GLIS3: variants seen among roughly 807,000 people sequenced by gnomAD.
The protein encoded by GLIS3 is GLIS family zinc finger 3.
In GLIS3, 53 loss-of-function variants were observed where a neutral mutation model predicts 78.6. The ratio of observed to expected loss-of-function variants is 0.67; its 90% CI spans 0.54 to 0.85. GLIS3 has a LOEUF of 0.85. GLIS3 is among the 40% of genes least tolerant of loss of function. The pLI is 0.00. For missense variants in GLIS3, 1,703 were observed against 1,231.1 expected, an observed-to-expected ratio of 1.38 and a Z score of -5.74; for synonymous variants, 684 against 509.9, an observed-to-expected ratio of 1.34 and a Z score of -4.60.
chr9:4,033,055 G>A (rs907121312), intron 4 of GLIS3, among the ~76,000 whole-genome samples: 4 of 151,922 alleles, frequency 2.6e-5, no homozygotes, highest in Admixed American at 6.6e-5. Context: ...GGGTTTCACC[G>A]GGTTAGCCAG....
the GLIS3 span, among the ~76,000 whole-genome samples, chr9:4,453,257 G>A: frequency 6.8e-6 from 1 of 146,040 alleles, no homozygotes; most frequent in African/African-American, 2.5e-5. Context: ...CATGGGCAAG[G>A]ACTTCATGTC....
chr9:4,017,865 G>C (rs552895299), intron 4 of GLIS3, among the ~76,000 whole-genome samples: 3 of 152,352 alleles, frequency 2.0e-5, no homozygotes, highest in African/African-American at 7.2e-5. Flanking sequence ...AGGTCAGTCA[G>C]TTCAGTATGT....
At chr9:4,340,758 C>T (rs570837498) in intron 2 of GLIS3, among the ~76,000 whole-genome samples, 1 of 152,170 alleles carries the variant, frequency 6.6e-6, no homozygotes, top group Non-Finnish European at 1.5e-5. Context: ...TTCAGTGGCA[C>T]TATCTCAACT....
intron 4 of GLIS3, among the ~76,000 whole-genome samples, chr9:4,056,712 C>T (rs1826182372): frequency 6.6e-6 from 1 of 152,116 alleles, no homozygotes; most frequent in Admixed American, 6.6e-5. Context: ...CAGAGTGACA[C>T]ACACACACCC....
chr9:4,395,087 G>A, the GLIS3 span, among the ~76,000 whole-genome samples: 2 of 152,146 alleles, frequency 1.3e-5, no homozygotes, highest in Non-Finnish European at 2.9e-5. Context: ...AAGTAAAGGG[G>A]CATTTATTGC....
At chr9:4,281,429 C>G (rs1352487340) in intron 2 of GLIS3, among the ~76,000 whole-genome samples, 2 of 152,176 alleles carry the variant, frequency 1.3e-5, no homozygotes, top group African/African-American at 4.8e-5. Context: ...CCATCAAACA[C>G]TAACTCCTCA....
chr9:3,868,754 G>C lies in GLIS3; in HGVS notation c.2297+10673C>G, dbSNP rs74734342. On this transcript the variant is annotated intron_variant, in intron 8 of 10. Transcript: ENST00000381971. Reference sequence around the variant, plus strand: ...CCAAACCCCTAAATGTGGCTGATAAGGTTACTCCCTAATTTCTACACTAAG... The same window carrying C: ...CCAAACCCCTAAATGTGGCTGATAACGTTACTCCCTAATTTCTACACTAAG... Among the ~76,000 whole-genome samples, 780 of 151,576 alleles carry C rather than the reference G, an allele frequency of 5.1e-3. 9 individuals carry two copies. The highest frequency in any genetic ancestry group is 0.018 in the African/African-American group (757 of 41,298).
chr9:4,185,566 A>G (rs1049422289), intron 2 of GLIS3, among the ~76,000 whole-genome samples: 1 of 152,210 alleles, frequency 6.6e-6, no homozygotes, highest in Admixed American at 6.5e-5. Flanking sequence ...GTATTCATCA[A>G]TGTCCCATAA....
intron 4 of GLIS3, chr9:4,034,472 A>C (rs1183146349): frequency 6.6e-6 from 1 of 152,204 alleles, no homozygotes; most frequent in Non-Finnish European, 1.5e-5. Flanking sequence ...ATTTCCCAGT[A>C]AGAAGCTCAG....
At chr9:4,283,595 T>C (rs2130313530) in intron 2 of GLIS3, among the ~76,000 whole-genome samples, 1 of 152,306 alleles carries the variant, frequency 6.6e-6, no homozygotes, top group African/African-American at 2.4e-5. Flanking sequence ...TGCCCACTTG[T>C]TTGTATGAAT....
At chr9:4,148,365 C>G (rs7042056) in intron 2 of GLIS3, among the ~76,000 whole-genome samples, 39,282 of 151,908 alleles carry the variant, frequency 0.26, 5,235 homozygotes, top group Admixed American at 0.33. Flanking sequence ...CACATCCCCA[C>G]GTCCCCATAC....
At chr9:4,393,932 T>G in the GLIS3 span, among the ~76,000 whole-genome samples, 15 of 152,216 alleles carry the variant, frequency 9.9e-5, 1 homozygote, top group South Asian at 3.1e-3. Flanking sequence ...TATGACCCAG[T>G]GGGCCTGAGT....
chr9:3,959,773 A>G (rs1588318106), intron 4 of GLIS3, among the ~76,000 whole-genome samples: 1 of 152,182 alleles, frequency 6.6e-6, no homozygotes, highest in East Asian at 1.9e-4. Context: ...CTGTATTTGG[A>G]GACAGGGTCT....
rs6150898 is a variant in GLIS3 at position 3,921,923 on chromosome 9, TACAC to T, written c.1983+10433_1983+10436del. On this transcript the variant is annotated intron_variant, in intron 6 of 10. Coordinates refer to ENST00000381971, the MANE Select transcript of GLIS3 (RefSeq NM_001042413.2). ...TCTATTATTCATCCATCATACTGTGTACACACACACACACACACACACACTCACA... is the reference window on the plus strand; with the variant it reads ...TCTATTATTCATCCATCATACTGTGTACACACACACACACACACACTCACA... Among the ~76,000 whole-genome samples, 946 of 149,866 alleles carry T rather than the reference TACAC, an allele frequency of 6.3e-3. 9 individuals are homozygous for T. The highest frequency in any genetic ancestry group is 0.025 in the South Asian group (116 of 4,700).
chr9:4,244,908 A>C (rs1377889264), intron 2 of GLIS3, among the ~76,000 whole-genome samples: 1 of 152,134 alleles, frequency 6.6e-6, no homozygotes, highest in Admixed American at 6.6e-5. Context: ...ATGATTCTAC[A>C]CTCAAGAGTG....
At chr9:4,415,244 T>C in the GLIS3 span, among the ~76,000 whole-genome samples, 6 of 152,202 alleles carry the variant, frequency 3.9e-5, no homozygotes, top group Admixed American at 3.9e-4. Flanking sequence ...TGGTTGCCCA[T>C]CCTGGATTAG....
intron 2 of GLIS3, among the ~76,000 whole-genome samples, chr9:4,269,234 T>G (rs565989170): frequency 5.3e-5 from 8 of 152,326 alleles, no homozygotes; most frequent in African/African-American, 1.9e-4. Flanking sequence ...TTTGTGACCT[T>G]CTTTGCTCAG....
chr9:4,361,340 A>C, the GLIS3 span, among the ~76,000 whole-genome samples: 12 of 152,168 alleles, frequency 7.9e-5, no homozygotes, highest in Non-Finnish European at 1.6e-4. Context: ...ATTGGCTGAA[A>C]TATCTCTTGC....
intron 3 of GLIS3, among the ~76,000 whole-genome samples, chr9:4,124,308 T>C (rs769585120): frequency 1.3e-5 from 2 of 152,182 alleles, no homozygotes; most frequent in Non-Finnish European, 2.9e-5. Flanking sequence ...GAATCAAATA[T>C]GCCAGAAAAC....
Sources: gnomAD v4.1 joint callset for allele counts (sites outside exome capture counted in the v4.1 genomes callset) on GRCh38, gnomAD v4.1.1 for gene constraint, MANE v1.5 for transcripts, NCBI Gene and HGNC (gene_info 2026-07-23, HGNC 2026-07-21) for gene names.